PITPNM2: variants seen among roughly 807,000 people sequenced by gnomAD.
PITPNM2 encodes the protein membrane-associated phosphatidylinositol transfer protein 2.
A neutral mutation model predicts 132.2 loss-of-function variants in PITPNM2; 35 were observed. The ratio of observed to expected loss-of-function variants is 0.26; its 90% CI spans 0.20 to 0.35. The LOEUF is 0.35. PITPNM2 is among the 10% of genes least tolerant of loss of function. PITPNM2 has a pLI of 1.00. For synonymous variants in PITPNM2, 738 were observed against 799.2 expected (o/e 0.92, Z 1.29); for missense variants, 1,332 against 1,912.0 (o/e 0.70, Z 5.66).
At position 122,986,504 on chromosome 12, in the gene PITPNM2, T is replaced by C. The variant is rs1261357462; in HGVS notation, c.3658A>G (p.Ile1220Val). 1.9e-6 allele frequency: 3 copies of C among 1,593,888 alleles called. No individual in the cohort carries two copies. Among genetic ancestry groups the C allele is most frequent in the Non-Finnish European group, 2.6e-6 (3 of 1,170,616 alleles). Residue 1220 changes from isoleucine (I) to valine (V), a missense_variant, in exon 25 of 26, where the codon ATT becomes GTT. Ile to Val is a conservative substitution (Grantham distance 29). Coordinates refer to ENST00000320201, the MANE Select transcript of PITPNM2 (RefSeq NM_020845.3). ...STKDVAVYSAISLSPMQIYIV... is the reference protein window; with the variant it reads ...STKDVAVYSAVSLSPMQIYIV... ...TAGATCTGCATGGGGGACAGGCTAA[T>C]GGCGCTGTACACCGCCACGTCCTTG...
rs748668141 is a variant in PITPNM2 at position 122,990,564 on chromosome 12, C to T, written c.2550G>A (p.Thr850=). ...ACTCACTCTGGGCGATGCTGGATGC[C>T]GTGTAGCTCTCAGCCATGCCTGACA... ...SQVSGMAESY[T]ASSIAQKAPD... The change falls in exon 17 of 26, where the codon ACG becomes ACA. Residue 850 remains threonine, a synonymous_variant. Transcript: ENST00000320201. 5.0e-6 allele frequency: 8 copies of T among 1,612,960 alleles called. No homozygotes were observed. The highest frequency in any genetic ancestry group is 1.1e-5 in the South Asian group (1 of 91,066).
Position 123,048,946 on chromosome 12 carries a change from C to T in PITPNM2, c.-95-14261G>A, listed in dbSNP as rs906185312. 1.2e-4 allele frequency among the ~76,000 whole-genome samples: 19 copies of T among 152,138 alleles called. No homozygotes were observed. In the East Asian group the frequency reaches 3.7e-3, roughly 29 times the overall value. ...ACCAGGAGTTTGAGACCAGCCTGGG[C>T]AACATAGTGAGACCCCATTTCTACA... On this transcript the variant is annotated intron_variant, in intron 2 of 25. Transcript: ENST00000320201.
chr12:123,020,891 G>C (rs188142861), intron 3 of PITPNM2, among the ~76,000 whole-genome samples: 610 of 151,926 alleles, frequency 4.0e-3, no homozygotes, highest in African/African-American at 0.014. Flanking sequence ...ATAGCCAGGC[G>C]TGGTGGTGGG....
chr12:123,121,671 G>C (rs2043034707), intron 1 of PITPNM2, among the ~76,000 whole-genome samples: 1 of 151,536 alleles, frequency 6.6e-6, no homozygotes, highest in South Asian at 2.1e-4. Flanking sequence ...TCAGCCTCCT[G>C]AGTAGGTGGG....
chr12:123,012,869 T>C, intron 4 of PITPNM2, 135 bp from the exon 5 acceptor site: 11 of 1,172,130 alleles, frequency 9.4e-6, no homozygotes, highest in Non-Finnish European at 1.2e-5. Flanking sequence ...TAGCCGAGAC[T>C]TGCCTGCCCT....
At chr12:123,128,727 G>A (rs1217327037) in intron 1 of PITPNM2, among the ~76,000 whole-genome samples, 2 of 151,284 alleles carry the variant, frequency 1.3e-5, no homozygotes, top group African/African-American at 4.9e-5. Flanking sequence ...ACTCCAGCCT[G>A]GGCAATACAG....
rs1566281979 is a variant in PITPNM2, at chr12:123,078,851, C to T, written c.-96+31534G>A. On this transcript the variant is annotated intron_variant, in intron 2 of 25. Transcript: ENST00000320201. The surrounding 1 kb of genome is among the most constrained non-coding windows in gnomAD (Gnocchi z 7.3). ...AGCTGCCCACGTCCCAGCTTCGATACTGGCTTCAGCCACCTGGCCCCACTC... is the reference window on the plus strand; with the variant it reads ...AGCTGCCCACGTCCCAGCTTCGATATTGGCTTCAGCCACCTGGCCCCACTC... 6.6e-6 allele frequency among the ~76,000 whole-genome samples: 1 copy of T among 152,256 alleles called. No homozygotes were observed. The highest frequency in any genetic ancestry group is 1.5e-5 in the Non-Finnish European group (1 of 68,040).
chr12:123,092,216 C>G (rs1288605325), intron 2 of PITPNM2: 1 of 152,128 alleles, frequency 6.6e-6, no homozygotes, highest in Non-Finnish European at 1.5e-5. Flanking sequence ...CTGGGGTGGC[C>G]CAGCAGAAAG....
At chr12:123,125,868 T>TG (rs1205038909) in intron 1 of PITPNM2, among the ~76,000 whole-genome samples, 1 of 92,032 alleles carries the variant, frequency 1.1e-5, no homozygotes, top group Non-Finnish European at 2.4e-5. Context: ...ATTAGGGTTT[T>TG]TTTTTTTTTT....
In PITPNM2 at chr12:122,996,554, G is replaced by A. The variant is rs374549059; in HGVS notation, c.1686C>T (p.Val562=). Residue 562 remains valine, a synonymous_variant, in exon 13 of 26, where the codon GTC becomes GTT. Transcript: ENST00000320201. The part of the protein sequence containing the change: ...NGQVCLIGDC[V]GGILAFDALC... ...GGGCATCAAATGCCAGGATGCCCCCGACGCAGTCCCCAATCAGGCAGACCT... is the reference window on the plus strand; with the variant it reads ...GGGCATCAAATGCCAGGATGCCCCCAACGCAGTCCCCAATCAGGCAGACCT... 7 of 1,613,078 alleles carry A rather than the reference G, an allele frequency of 4.3e-6. No homozygotes were observed. Among genetic ancestry groups the A allele is most frequent in the Admixed American group, 1.7e-5 (1 of 60,018 alleles).
intron 1 of PITPNM2, among the ~76,000 whole-genome samples, chr12:123,126,051 AG>A (rs2043135229): frequency 1.3e-5 from 2 of 150,932 alleles, no homozygotes; most frequent in African/African-American, 4.9e-5. Context: ...TTGTATTTTT[AG>A]TAGAGACAGG....
At chr12:123,123,206 A>G (rs2137458727) in intron 1 of PITPNM2, among the ~76,000 whole-genome samples, 1 of 152,356 alleles carries the variant, frequency 6.6e-6, no homozygotes, top group South Asian at 2.1e-4. Context: ...CCATTACAAG[A>G]ACTGAACAAC....
At chr12:123,129,908 C>T (rs1388788027) in intron 1 of PITPNM2, among the ~76,000 whole-genome samples, 10 of 150,100 alleles carry the variant, frequency 6.7e-5, no homozygotes, top group Admixed American at 2.7e-4. Context: ...TTTTGTTTTG[C>T]GTTTTTTTTT....
intron 1 of PITPNM2, among the ~76,000 whole-genome samples, chr12:123,129,193 C>T (rs1212717413): frequency 2.0e-5 from 3 of 151,962 alleles, no homozygotes; most frequent in Middle Eastern, 6.8e-3. Context: ...CCCAACTACT[C>T]GGCAGGCTGA....
chr12:123,113,240 T>C (rs888496531), intron 1 of PITPNM2, among the ~76,000 whole-genome samples: 2 of 152,182 alleles, frequency 1.3e-5, no homozygotes, highest in Non-Finnish European at 2.9e-5. Flanking sequence ...ATGGCGACTG[T>C]GAGGCAGGTG....
Position 123,004,346 on chromosome 12 carries a change from C to T in PITPNM2, c.1048+48G>A. On this transcript the variant is annotated intron_variant, in intron 8 of 25. Transcript: ENST00000320201. The surrounding 1 kb of genome is among the most constrained non-coding windows in gnomAD (Gnocchi z 4.9). ...CCCTAAGCCCTTTCAGACCCCTCCC[C>T]ACCTCGCCCAGGAAGGCCCCAAGGA... 1 of 1,585,356 alleles carries T rather than the reference C, an allele frequency of 6.3e-7. No individual in the cohort carries two copies. Among genetic ancestry groups the T allele is most frequent in the Admixed American group, 1.7e-5 (1 of 59,786 alleles).
intron 2 of PITPNM2, chr12:123,092,538 A>T (rs2042296159): frequency 6.6e-6 from 1 of 152,254 alleles, no homozygotes; most frequent in Non-Finnish European, 1.5e-5. Context: ...AGTCAGGCTA[A>T]TCTAGTCTTG....
chr12:123,122,243 G>T (rs1157231777), intron 1 of PITPNM2, among the ~76,000 whole-genome samples: 1 of 152,120 alleles, frequency 6.6e-6, no homozygotes, highest in African/African-American at 2.4e-5. Flanking sequence ...CAGGCAGATC[G>T]TCTGAGGTCG....
Position 122,993,537 on chromosome 12 carries a change from C to T in PITPNM2, c.2234-868G>A, listed in dbSNP as rs1285802360. On this transcript the variant is annotated intron_variant, in intron 15 of 25. Coordinates refer to ENST00000320201, the MANE Select transcript of PITPNM2 (RefSeq NM_020845.3). The surrounding 1 kb of genome is among the most constrained non-coding windows in gnomAD (Gnocchi z 5.2). ...TCAGCACGTCTAGTTTCTCCTTGCT[C>T]TTTTTCAGTGGAGGCGGGTACTCCA... Among the ~76,000 whole-genome samples the T allele has an allele frequency of 6.6e-6, 1 of 152,194 alleles. No individual in the cohort carries two copies. The highest frequency in any genetic ancestry group is 1.5e-5 in the Non-Finnish European group (1 of 68,030).
Sources: allele counts gnomAD v4.1 joint callset (sites outside exome capture counted in the v4.1 genomes callset), GRCh38; gene constraint gnomAD v4.1.1; non-coding constraint Gnocchi (gnomAD v3.1); transcripts MANE v1.5; gene names NCBI Gene and HGNC (gene_info 2026-07-23, HGNC 2026-07-21).